UIMC1: variants seen among roughly 807,000 people sequenced by gnomAD.
The protein encoded by UIMC1 is BRCA1-A complex subunit RAP80.
A neutral mutation model predicts 84.9 loss-of-function variants in UIMC1; 42 were observed. The ratio of observed to expected loss-of-function variants is 0.49; its 90% CI spans 0.39 to 0.64. UIMC1 has a LOEUF of 0.64. Ranked by LOEUF, UIMC1 falls within the 30% of genes least tolerant of loss-of-function variation. The probability of loss-of-function intolerance (pLI) is 0.00; values close to 1 mark genes in which losing one functional copy is unlikely to be tolerated. For missense variants in UIMC1, 825 were observed against 847.6 expected, an observed-to-expected ratio of 0.97 and a Z score of 0.33; for synonymous variants, 281 against 293.0, an observed-to-expected ratio of 0.96 and a Z score of 0.42.
chr5:176,982,594 C>T lies in UIMC1; in HGVS notation c.22G>A (p.Val8Ile). 3.1e-6 allele frequency: 5 copies of T among 1,613,854 alleles called. No individual in the cohort carries two copies. Among genetic ancestry groups the T allele is most frequent in the Non-Finnish European group, 4.2e-6 (5 of 1,179,962 alleles). The change falls in exon 2 of 15, where the codon GTT becomes ATT. Residue 8 changes from valine to isoleucine, a missense_variant. Transcript: ENST00000511320. ...TTCCGAGATTCGGAGACTTCTTTAA[C>T]TTTTTTCTTTCTCCGTGGCATCCTT... MPRRKKK[V>I]KEVSESRNLE...
chr5:177,004,682 G>A (rs1029140343), intron 1 of UIMC1, among the ~76,000 whole-genome samples: 7 of 152,070 alleles, frequency 4.6e-5, no homozygotes, highest in African/African-American at 9.7e-5. Context: ...TAACATTTTG[G>A]GCAGTGTCCT....
At chr5:176,987,903 G>A (rs1308428272) in intron 1 of UIMC1, among the ~76,000 whole-genome samples, 1 of 151,876 alleles carries the variant, frequency 6.6e-6, no homozygotes, top group Non-Finnish European at 1.5e-5. Context: ...GCCAAGACTG[G>A]TGGATCACTT....
At chr5:176,964,579 T>C (rs1768008843) in intron 6 of UIMC1, among the ~76,000 whole-genome samples, 1 of 152,160 alleles carries the variant, frequency 6.6e-6, no homozygotes, top group African/African-American at 2.4e-5. Flanking sequence ...AACTGGAATA[T>C]AATATAGCCA....
intron 11 of UIMC1, among the ~76,000 whole-genome samples, chr5:176,911,071 A>G: frequency 6.7e-6 from 1 of 149,294 alleles, no homozygotes; most frequent in Admixed American, 6.8e-5. Flanking sequence ...CCTGGGCAAG[A>G]AGAGTGAAAC....
intron 11 of UIMC1, among the ~76,000 whole-genome samples, 179 bp downstream of exon 11, chr5:176,911,132 A>G (rs1581341233): frequency 9.2e-6 from 1 of 108,248 alleles, no homozygotes; most frequent in Non-Finnish European, 1.8e-5. Context: ...AAAGAAAAGA[A>G]AAGAAAAGAA....
intron 1 of UIMC1, among the ~76,000 whole-genome samples, chr5:177,016,590 C>A (rs1581741441): frequency 1.3e-5 from 2 of 148,642 alleles, no homozygotes; most frequent in Non-Finnish European, 3.0e-5. Flanking sequence ...ACTCAGAAGG[C>A]TGAGGCAGGA....
rs186211094 is a variant in UIMC1, at chr5:176,985,565, G to A, written c.-8-2942C>T. On this transcript the variant is annotated intron_variant, in intron 1 of 14. Transcript: ENST00000511320. ...TCCTAGTTCTTTAAACATCAATTTA[G>A]ATAATTGCTTTTCTTGACTACATAT... 9.1e-3 allele frequency among the ~76,000 whole-genome samples: 1,382 copies of A among 151,664 alleles called. 8 individuals carry two copies. Among genetic ancestry groups the A allele is most frequent in the South Asian group, 0.025 (119 of 4,792 alleles).
At chr5:177,014,773 T>A (rs984490261) in intron 1 of UIMC1, among the ~76,000 whole-genome samples, 10 of 152,158 alleles carry the variant, frequency 6.6e-5, no homozygotes, top group Admixed American at 2.6e-4. Context: ...GATTCCCCAG[T>A]TGGAGAACCT....
intron 1 of UIMC1, among the ~76,000 whole-genome samples, chr5:176,990,334 G>A (rs1772643952): frequency 6.6e-6 from 1 of 152,004 alleles, no homozygotes; most frequent in Non-Finnish European, 1.5e-5. Context: ...ACAGCAAGAA[G>A]GTCCCATCTT....
chr5:176,909,963 C>G (rs555614515), intron 11 of UIMC1, among the ~76,000 whole-genome samples: 246 of 152,268 alleles, frequency 1.6e-3, no homozygotes, highest in African/African-American at 5.7e-3. Context: ...TACAGTGAGA[C>G]TTACAAACAA....
intron 10 of UIMC1, among the ~76,000 whole-genome samples, chr5:176,922,165 T>C (rs531330925): frequency 6.6e-6 from 1 of 152,352 alleles, no homozygotes; most frequent in East Asian, 1.9e-4. Context: ...TTTTCTTAAA[T>C]TGTATTTATT....
rs778298226 is a variant in UIMC1, at chr5:176,969,342, A to G, written c.464-51T>C. The G allele has an allele frequency of 1.6e-5, 24 of 1,542,268 alleles. No individual in the cohort carries two copies. In the Admixed American group the frequency reaches 5.0e-4, roughly 32 times the overall value. The stretch of plus-strand genomic sequence containing the variant: ...GCTAAGGACAAACTTTTTTATTAAG[A>G]GGGCTTGGTAAGTTATCACTTACCA... On this transcript the variant is annotated intron_variant, in intron 5 of 14. Coordinates refer to ENST00000511320, the MANE Select transcript of UIMC1 (RefSeq NM_001199298.2).
At chr5:176,920,595 T>C (rs1030250529) in intron 10 of UIMC1, among the ~76,000 whole-genome samples, 1 of 152,232 alleles carries the variant, frequency 6.6e-6, no homozygotes, top group Non-Finnish European at 1.5e-5. Context: ...TCACTGCTAG[T>C]GTACAAAAAT....
At chr5:176,993,774 G>A (rs1489714159) in intron 1 of UIMC1, among the ~76,000 whole-genome samples, 1 of 152,142 alleles carries the variant, frequency 6.6e-6, no homozygotes, top group Admixed American at 6.5e-5. Flanking sequence ...TTGGGAGGCT[G>A]AGGCAGGAGG....
intron 9 of UIMC1, among the ~76,000 whole-genome samples, chr5:176,946,453 AG>A (rs1765119709): frequency 6.6e-6 from 1 of 152,126 alleles, no homozygotes; most frequent in Admixed American, 6.5e-5. Context: ...CGGAGGCTGC[AG>A]TGAGCCGAGA....
chr5:176,949,949 G>A (rs1279435543), intron 9 of UIMC1, among the ~76,000 whole-genome samples: 1 of 151,750 alleles, frequency 6.6e-6, no homozygotes, highest in Non-Finnish European at 1.5e-5. Context: ...AGTTACTTGG[G>A]AGGCTGAGGC....
intron 1 of UIMC1, among the ~76,000 whole-genome samples, chr5:176,998,261 C>T (rs575943788): frequency 6.6e-6 from 1 of 151,806 alleles, no homozygotes; most frequent in Non-Finnish European, 1.5e-5. Flanking sequence ...GTCAGGAGTT[C>T]GAGACCACCC....
At chr5:177,019,188 T>A (rs1775736341) in intron 1 of UIMC1, among the ~76,000 whole-genome samples, 1 of 152,220 alleles carries the variant, frequency 6.6e-6, no homozygotes, top group Admixed American at 6.5e-5. Flanking sequence ...TAAGGACCAG[T>A]GTTCAAGCAT....
At chr5:176,947,156 C>G (rs545960015) in intron 9 of UIMC1, among the ~76,000 whole-genome samples, 1 of 152,290 alleles carries the variant, frequency 6.6e-6, no homozygotes, top group South Asian at 2.1e-4. Flanking sequence ...CTTCCAACCA[C>G]TGTTCATAGG....
Sources: gnomAD v4.1 joint callset for allele counts (sites outside exome capture counted in the v4.1 genomes callset) on GRCh38, gnomAD v4.1.1 for gene constraint, MANE v1.5 for transcripts, NCBI Gene and HGNC (gene_info 2026-07-23, HGNC 2026-07-21) for gene names.